CABIN1: variants seen among roughly 807,000 people sequenced by gnomAD.
CABIN1 encodes calcineurin-binding protein cabin-1.
Under a neutral mutation model 227.7 loss-of-function variants are expected in CABIN1, and 133 were observed. The observed-to-expected ratio is 0.58, with a 90% confidence interval of 0.51 to 0.67. The LOEUF (loss-of-function observed/expected upper bound fraction) is 0.67, where lower values mean the gene tolerates loss of function less well. Ranked by LOEUF, CABIN1 falls within the 30% of genes least tolerant of loss-of-function variation. The pLI is 0.00. For missense variants in CABIN1, 2,408 were observed against 2,852.5 expected, an observed-to-expected ratio of 0.84 and a Z score of 3.55; for synonymous variants, 1,086 against 1,155.1, an observed-to-expected ratio of 0.94 and a Z score of 1.21.
At chr22:24,054,838 G>C (rs372610867) in intron 8 of CABIN1, 35 bp from the exon 9 acceptor site, 3 of 1,614,012 alleles carry the variant, frequency 1.9e-6, no homozygotes, top group African/African-American at 1.3e-5. Flanking sequence ...CCTCTGACAG[G>C]GTGGTGATCA....
intron 29 of CABIN1, among the ~76,000 whole-genome samples, chr22:24,157,858 G>A (rs1460170448): frequency 4.6e-5 from 7 of 152,146 alleles, no homozygotes; most frequent in Admixed American, 4.6e-4. Flanking sequence ...TTCTGGGGGG[G>A]CGGGGAGGCC....
chr22:24,038,968 C>T (rs1014927233), intron 4 of CABIN1, among the ~76,000 whole-genome samples: 1 of 152,172 alleles, frequency 6.6e-6, no homozygotes, highest in Admixed American at 6.5e-5. Context: ...GTCAGAAGGA[C>T]TGGGGACACT....
At chr22:24,058,566 G>C (rs1270012252) in intron 10 of CABIN1, among the ~76,000 whole-genome samples, 2 of 152,206 alleles carry the variant, frequency 1.3e-5, no homozygotes, top group African/African-American at 4.8e-5. Context: ...TTTGTGAGGA[G>C]CCACGGAAGG....
chr22:24,171,318 C>T (rs1304295844), intron 33 of CABIN1, among the ~76,000 whole-genome samples: 1 of 152,220 alleles, frequency 6.6e-6, no homozygotes, highest in East Asian at 1.9e-4. Context: ...CCCTCCAAGA[C>T]TGACCACCTG....
intron 28 of CABIN1, among the ~76,000 whole-genome samples, chr22:24,126,483 T>C (rs1021752243): frequency 6.7e-6 from 1 of 148,960 alleles, no homozygotes; most frequent in African/African-American, 2.5e-5. Flanking sequence ...TAGAATCTGC[T>C]GGAAGCTGGT....
At position 24,087,642 on chromosome 22, in the gene CABIN1, GCCTTGCAC is replaced by G. The variant is rs2041254052; in HGVS notation, c.3455_3462del (p.Ala1152ValfsTer17). On this transcript the variant is annotated frameshift_variant, in exon 23 of 37. Coordinates refer to ENST00000263119, the MANE Select transcript of CABIN1 (RefSeq NM_012295.4). LOFTEE classifies it high-confidence loss of function. The stretch of plus-strand genomic sequence containing the variant: ...GATTGAGTATGGCACCATGTCCTAT[GCCTTGCAC>G]TCATTCGCCTCACGTCAATTGAAGC... 6.2e-7 allele frequency: 1 copy of G among 1,614,194 alleles called. No homozygotes were observed. The highest frequency in any genetic ancestry group is 1.3e-5 in the African/African-American group (1 of 75,048).
intron 27 of CABIN1, among the ~76,000 whole-genome samples, chr22:24,117,477 G>A (rs939672963): frequency 6.6e-6 from 1 of 152,110 alleles, no homozygotes; most frequent in African/African-American, 2.4e-5. Context: ...TGGGATTACA[G>A]GCGTGAGCCA....
intron 15 of CABIN1, among the ~76,000 whole-genome samples, chr22:24,064,894 GAA>G (rs2039495439): frequency 6.6e-6 from 1 of 151,986 alleles, no homozygotes; most frequent in African/African-American, 2.4e-5. Flanking sequence ...AGAACAAAAT[GAA>G]AAGTCTCCCA....
intron 4 of CABIN1, 86 bp downstream of exon 4, chr22:24,038,547 T>C (rs2037111365): frequency 1.1e-6 from 1 of 918,568 alleles, no homozygotes; most frequent in Non-Finnish European, 1.8e-6. Context: ...ACCTCTGCTC[T>C]CCCATTTCTT....
chr22:24,024,996 T>C (rs1209735917), intron 1 of CABIN1, among the ~76,000 whole-genome samples: 1 of 152,212 alleles, frequency 6.6e-6, no homozygotes, highest in Non-Finnish European at 1.5e-5. Flanking sequence ...GTAATTTCAG[T>C]GTCTGGTCAG....
chr22:24,129,641 G>A (rs1020863926), intron 28 of CABIN1, among the ~76,000 whole-genome samples: 2 of 152,248 alleles, frequency 1.3e-5, no homozygotes, highest in African/African-American at 2.4e-5. Context: ...AAGTCAGACT[G>A]TGTCCCTGCC....
At chr22:24,119,931 G>A (rs1569243953) in intron 28 of CABIN1, among the ~76,000 whole-genome samples, 1 of 152,018 alleles carries the variant, frequency 6.6e-6, no homozygotes, top group Non-Finnish European at 1.5e-5. Context: ...GAGTGTAGGG[G>A]GTCTCACAGT....
chr22:24,142,782 C>T (rs1602320225), intron 29 of CABIN1, among the ~76,000 whole-genome samples: 1 of 152,168 alleles, frequency 6.6e-6, no homozygotes, highest in African/African-American at 2.4e-5. Flanking sequence ...GTAAACAAGC[C>T]CCAGGACTGT....
chr22:24,038,334 G>A lies in CABIN1; in HGVS notation c.97-14G>A. On this transcript the variant is annotated splice_polypyrimidine_tract_variant and intron_variant, in intron 3 of 36. Transcript: ENST00000263119. ...TTTATGCTGTATGAAAACATCTCTT[G>A]TCTTGATTTGCAGGAAGCAGAGGCT... 6.3e-7 allele frequency: 1 copy of A among 1,599,192 alleles called. No homozygotes were observed. Among genetic ancestry groups the A allele is most frequent in the Non-Finnish European group, 8.6e-7 (1 of 1,166,648 alleles).
chr22:24,105,935 A>G (rs1205163654), intron 26 of CABIN1, among the ~76,000 whole-genome samples: 1 of 152,178 alleles, frequency 6.6e-6, no homozygotes, highest in African/African-American at 2.4e-5. Context: ...GGCCATTAGC[A>G]CACAAAGTTG....
chr22:24,159,036 G>A (rs757442383), intron 29 of CABIN1, among the ~76,000 whole-genome samples: 3 of 152,200 alleles, frequency 2.0e-5, no homozygotes, highest in Non-Finnish European at 4.4e-5. Flanking sequence ...AGGGGCCCCT[G>A]TCTGTCCTGA....
intron 22 of CABIN1, among the ~76,000 whole-genome samples, chr22:24,085,459 C>T (rs916187439): frequency 6.6e-6 from 1 of 152,242 alleles, no homozygotes; most frequent in African/African-American, 2.4e-5. Flanking sequence ...CGCAACCTGG[C>T]TCCATCCTGT....
chr22:24,119,314 A>C (rs2043263883), intron 27 of CABIN1, 53 bp from the exon 28 acceptor site: 1 of 1,501,614 alleles, frequency 6.7e-7, no homozygotes, highest in Non-Finnish European at 9.2e-7. Flanking sequence ...AGACCACTGC[A>C]TGGACAGGGC....
chr22:24,165,152 C>T (rs1024075874), intron 30 of CABIN1, among the ~76,000 whole-genome samples: 4 of 152,246 alleles, frequency 2.6e-5, no homozygotes, highest in Non-Finnish European at 5.9e-5. Context: ...TGCACTGTCT[C>T]ACCCTCTGGC....
Sources: allele counts gnomAD v4.1 joint callset (sites outside exome capture counted in the v4.1 genomes callset), GRCh38; gene constraint gnomAD v4.1.1; transcripts MANE v1.5; gene names NCBI Gene and HGNC (gene_info 2026-07-23, HGNC 2026-07-21).